Variants in MYOM1 observed in about 807,000 individuals in gnomAD.
MYOM1 encodes myomesin-1.
A neutral mutation model predicts 205.3 loss-of-function variants in MYOM1; 164 were observed. That is an observed-to-expected ratio of 0.80 (90% confidence interval 0.70 to 0.91). MYOM1 has a LOEUF of 0.91. Among genes scored for constraint, MYOM1 ranks in the 40% least tolerant of loss-of-function variants. The pLI is 0.00. For synonymous variants in MYOM1, 772 were observed against 789.4 expected (o/e 0.98, Z 0.37); for missense variants, 2,011 against 2,127.3 (o/e 0.95, Z 1.08).
chr18:3,113,313 T>C (rs71358797), intron 21 of MYOM1, among the ~76,000 whole-genome samples: 120,757 of 144,498 alleles, frequency 0.84, 50,186 homozygotes, highest in East Asian at 0.98. Context: ...TATATATATA[T>C]ATATATATAT....
chr18:3,167,331 T>C (rs2080486447), intron 9 of MYOM1, among the ~76,000 whole-genome samples: 1 of 152,238 alleles, frequency 6.6e-6, no homozygotes, highest in African/African-American at 2.4e-5. Flanking sequence ...TACTCTAGTA[T>C]AGAAACTTAG....
upstream of MYOM1, among the ~76,000 whole-genome samples, chr18:3,223,656 T>C (rs2081340873): frequency 6.6e-6 from 1 of 152,232 alleles, no homozygotes; most frequent in South Asian, 2.1e-4. Context: ...ACTATTCTAT[T>C]CTTGCCTTGC....
chr18:3,159,489 C>A (rs2080350253), intron 10 of MYOM1, among the ~76,000 whole-genome samples: 1 of 152,064 alleles, frequency 6.6e-6, no homozygotes, highest in African/African-American at 2.4e-5. Flanking sequence ...ACCATATGAC[C>A]TAGCAATTCC....
At chr18:3,207,693 C>A (rs60389783) in intron 2 of MYOM1, among the ~76,000 whole-genome samples, 1 of 152,228 alleles carries the variant, frequency 6.6e-6, no homozygotes, top group Non-Finnish European at 1.5e-5. Context: ...CTGGCCAGTG[C>A]CGACACTATG....
At chr18:3,095,336 A>AG (rs930305451) in intron 25 of MYOM1, among the ~76,000 whole-genome samples, 5 of 152,056 alleles carry the variant, frequency 3.3e-5, no homozygotes, top group African/African-American at 1.2e-4. Context: ...GGGGAGGCCG[A>AG]GGGGGGCAAA....
rs576778870 is a variant in MYOM1 at position 3,166,453 on chromosome 18, G to GTT, written c.1340-2016_1340-2015dup. 4.3e-3 allele frequency among the ~76,000 whole-genome samples: 652 copies of GTT among 149,924 alleles called. 10 individuals carry two copies. Among genetic ancestry groups the GTT allele is most frequent in the Middle Eastern group, 0.017 (5 of 294 alleles). ...GCCTGGCTAATTCTTTTTTTGTTTTGTTTTGTTTTTTTAGTAGATATGGGG... is the reference window on the plus strand; with the variant it reads ...GCCTGGCTAATTCTTTTTTTGTTTTGTTTTTTGTTTTTTTAGTAGATATGGGG... On this transcript the variant is annotated intron_variant, in intron 9 of 37. Coordinates refer to ENST00000356443, the MANE Select transcript of MYOM1 (RefSeq NM_003803.4).
At chr18:3,102,439 A>G in intron 23 of MYOM1, 35 bp downstream of exon 23, 1 of 1,560,904 alleles carries the variant, frequency 6.4e-7, no homozygotes, top group South Asian at 1.2e-5. Context: ...TACAGTGAAA[A>G]GGAAACCCAT....
intron 20 of MYOM1, among the ~76,000 whole-genome samples, chr18:3,119,142 C>T (rs1170766545): frequency 6.6e-6 from 1 of 152,102 alleles, no homozygotes; most frequent in East Asian, 1.9e-4. Flanking sequence ...CGCCCCACTT[C>T]CCACTTTCTT....
chr18:3,166,727 G>A (rs552062588), intron 9 of MYOM1, among the ~76,000 whole-genome samples: 1 of 152,092 alleles, frequency 6.6e-6, no homozygotes, highest in East Asian at 1.9e-4. Context: ...GGACCTTATA[G>A]GACAATACCG....
At chr18:3,235,043 C>T in the MYOM1 span, among the ~76,000 whole-genome samples, 1 of 152,010 alleles carries the variant, frequency 6.6e-6, no homozygotes, top group Non-Finnish European at 1.5e-5. Flanking sequence ...AGGTGTAAGC[C>T]ACTGCGCCTG....
intron 13 of MYOM1, among the ~76,000 whole-genome samples, chr18:3,142,651 T>G (rs1280172698): frequency 6.6e-6 from 1 of 151,852 alleles, no homozygotes; most frequent in Non-Finnish European, 1.5e-5. Flanking sequence ...AGGTCAGGAG[T>G]GTTCGGGTGA....
In MYOM1 at chr18:3,164,312, A is replaced by G. The variant is rs1283346418; in HGVS notation, c.1467T>C (p.Tyr489=). ...AGACATAAGCACTATATTGTTCATA[A>G]TATTCTCCCATCCGTACACGGATTG... The part of the protein sequence containing the change: ...LYTIRVRMGE[Y]YEQYSAYVFV... Residue 489 remains tyrosine, a synonymous_variant, in exon 10 of 38, where the codon TAT becomes TAC. Coordinates refer to ENST00000356443, the MANE Select transcript of MYOM1 (RefSeq NM_003803.4). The G allele has an allele frequency of 6.2e-7, 1 of 1,613,118 alleles. No individual in the cohort carries two copies. Among genetic ancestry groups the G allele is most frequent in the South Asian group, 1.1e-5 (1 of 90,796 alleles).
chr18:3,170,584 AT>A (rs1020657945), intron 8 of MYOM1, among the ~76,000 whole-genome samples: 1 of 152,130 alleles, frequency 6.6e-6, no homozygotes, highest in African/African-American at 2.4e-5. Flanking sequence ...GAAATATCTT[AT>A]TTACAGATTG....
intron 9 of MYOM1, among the ~76,000 whole-genome samples, chr18:3,165,266 AATTTT>A (rs1436083369): frequency 1.3e-5 from 2 of 152,212 alleles, no homozygotes; most frequent in Non-Finnish European, 2.9e-5. Context: ...ATCTCTATTT[AATTTT>A]AAGTGTGAAT....
Position 3,193,895 on chromosome 18 carries a change from T to C in MYOM1, c.354A>G (p.Arg118=). The part of the protein sequence containing the change: ...YSSKLSPKPK[R]AKHSLLSGEE... ...CTCCAGACAGTAGGCTGTGCTTGGC[T>C]CTCTTTGGTTTGGGGCTCAACTTGG... The change falls in exon 3 of 38, where the codon AGA becomes AGG. Residue 118 remains arginine (R), a synonymous_variant. Transcript: ENST00000356443. 6.2e-7 allele frequency: 1 copy of C among 1,613,940 alleles called. No individual in the cohort carries two copies. The highest frequency in any genetic ancestry group is 8.5e-7 in the Non-Finnish European group (1 of 1,179,858).
At chr18:3,116,297 G>C in intron 21 of MYOM1, 34 bp downstream of exon 21, 1 of 1,594,114 alleles carries the variant, frequency 6.3e-7, no homozygotes, top group Non-Finnish European at 8.6e-7. Context: ...AGAGCAGTTA[G>C]TAGAGGAAGC....
At chr18:3,138,306 T>C (rs747516846) in intron 14 of MYOM1, among the ~76,000 whole-genome samples, 3 of 146,206 alleles carry the variant, frequency 2.1e-5, no homozygotes, top group Non-Finnish European at 3.1e-5. Flanking sequence ...GCTGTCAGGA[T>C]GGTACATTTT....
At chr18:3,244,187 T>C in the MYOM1 span, among the ~76,000 whole-genome samples, 2 of 152,136 alleles carry the variant, frequency 1.3e-5, no homozygotes, top group South Asian at 2.1e-4. Context: ...AAAGCAAAAC[T>C]GTCTCTCCAG....
intron 29 of MYOM1, among the ~76,000 whole-genome samples, chr18:3,086,884 T>C (rs886235598): frequency 3.3e-5 from 5 of 152,186 alleles, no homozygotes; most frequent in African/African-American, 1.2e-4. Context: ...CACTGAATAA[T>C]GGGTGAAAAC....
Sources: gnomAD v4.1 joint callset for allele counts (sites outside exome capture counted in the v4.1 genomes callset) on GRCh38, gnomAD v4.1.1 for gene constraint, MANE v1.5 for transcripts, NCBI Gene and HGNC (gene_info 2026-07-23, HGNC 2026-07-21) for gene names.